The following POU2F1 variants were observed in gnomAD, a reference collection of about 807,000 sequenced individuals.
The protein encoded by POU2F1 is POU domain, class 2, transcription factor 1.
Under a neutral mutation model 84.9 loss-of-function variants are expected in POU2F1, and 16 were observed. The observed-to-expected ratio is 0.19, with a 90% CI of 0.13 to 0.29. POU2F1 has a LOEUF of 0.29. POU2F1 is among the 10% of genes least tolerant of loss of function. The probability of loss-of-function intolerance (pLI) is 1.00; values close to 1 mark genes in which losing one functional copy is unlikely to be tolerated. For synonymous variants in POU2F1, 368 were observed against 368.3 expected (o/e 1.00, Z 0.01); for missense variants, 738 against 942.6 (o/e 0.78, Z 2.84).
chr1:167,311,099 T>C (rs946546430), intron 1 of POU2F1, among the ~76,000 whole-genome samples: 3 of 152,162 alleles, frequency 2.0e-5, no homozygotes, highest in African/African-American at 7.2e-5. Flanking sequence ...CCAAATTTAG[T>C]AGAAGGCATA....
intron 2 of POU2F1, among the ~76,000 whole-genome samples, chr1:167,356,667 C>A (rs957752711): frequency 6.6e-6 from 1 of 152,048 alleles, no homozygotes; most frequent in Non-Finnish European, 1.5e-5. Context: ...CAGAAGAGAC[C>A]AAGGCAAGTT....
In POU2F1 at chr1:167,233,838, C is replaced by T. The variant is rs952424422; in HGVS notation, c.61+12880C>T. Among the ~76,000 whole-genome samples the T allele has an allele frequency of 2.3e-4, 35 of 152,118 alleles. 1 individual carries two copies. Among genetic ancestry groups the T allele is most frequent in the African/African-American group, 7.7e-4 (32 of 41,408 alleles). On this transcript the variant is annotated intron_variant, in intron 1 of 15. Transcript: ENST00000367866. ...CAAGTCCACAGTTGGAAATTGTGGA[C>T]GAGATTCCATACTTTTCAATAAATA...
chr1:167,323,099 C>G (rs1319961251), intron 1 of POU2F1, among the ~76,000 whole-genome samples: 2 of 152,206 alleles, frequency 1.3e-5, no homozygotes, highest in African/African-American at 4.8e-5. Context: ...TTCCCAATTC[C>G]TATGCCTGTG....
At chr1:167,298,330 C>T (rs968221022) in intron 1 of POU2F1, among the ~76,000 whole-genome samples, 1 of 151,936 alleles carries the variant, frequency 6.6e-6, no homozygotes, top group African/African-American at 2.4e-5. Context: ...GAAATAGAGA[C>T]TTGAATTTAT....
rs1158702467 is a variant in POU2F1, at chr1:167,416,148, CT to C, written c.*339del. Reference sequence around the variant, plus strand: ...AAACAAACAAAAATAAGTGAAAGGACTACTTATCATTTCCAGCAGTCATGAT... The same window carrying C: ...AAACAAACAAAAATAAGTGAAAGGACACTTATCATTTCCAGCAGTCATGAT... On this transcript the variant is annotated 3_prime_UTR_variant, in exon 16 of 16. Coordinates refer to ENST00000367866, the MANE Select transcript of POU2F1 (RefSeq NM_002697.4). The C allele has an allele frequency of 2.0e-5, 8 of 409,114 alleles. No individual in the cohort carries two copies. In the Admixed American group the frequency reaches 3.3e-4, roughly 17 times the overall value. The allele number at this position is 409,114 out of a possible 1,614,324, so 25.3% of individuals were successfully genotyped here.
chr1:167,294,172 CAAAAAAA>C (rs60846607), intron 1 of POU2F1, among the ~76,000 whole-genome samples: 312 of 30,950 alleles, frequency 0.01, no homozygotes, highest in Middle Eastern at 0.071. Flanking sequence ...TACTAAAATA[CAAAAAAA>C]AAAAAAAAAA....
chr1:167,339,173 GT>G (rs1657671072), intron 2 of POU2F1, among the ~76,000 whole-genome samples: 1 of 151,432 alleles, frequency 6.6e-6, no homozygotes, highest in Admixed American at 6.6e-5. Flanking sequence ...TCCCTTTCCT[GT>G]CCCCCTCCTC....
At chr1:167,340,619 A>T (rs1657785278) in intron 2 of POU2F1, among the ~76,000 whole-genome samples, 1 of 150,716 alleles carries the variant, frequency 6.6e-6, no homozygotes, top group African/African-American at 2.4e-5. Flanking sequence ...TTTAATAGAA[A>T]CTGGGTTTCA....
intron 1 of POU2F1, among the ~76,000 whole-genome samples, chr1:167,328,641 T>G (rs1381735194): frequency 6.6e-6 from 1 of 152,092 alleles, no homozygotes; most frequent in Non-Finnish European, 1.5e-5. Context: ...GTACCTCCCT[T>G]CTCCCTTGGT....
In POU2F1 at chr1:167,374,137, A is replaced by G. The variant is rs747197521; in HGVS notation, c.432A>G (p.Leu144=). The G allele has an allele frequency of 2.0e-5, 32 of 1,614,182 alleles. No individual in the cohort carries two copies. Among genetic ancestry groups the G allele is most frequent in the Non-Finnish European group, 2.6e-5 (31 of 1,180,022 alleles). Residue 144 remains leucine (L), a synonymous_variant, in exon 6 of 16, where the codon TTA becomes TTG. Coordinates refer to ENST00000367866, the MANE Select transcript of POU2F1 (RefSeq NM_002697.4). Reference sequence around the variant, plus strand: ...CTTTGACGCCTGCCCAGCAACAGTTACTACTCCAGCAGGCACAGGCACAGG... The same window carrying G: ...CTTTGACGCCTGCCCAGCAACAGTTGCTACTCCAGCAGGCACAGGCACAGG... The part of the protein sequence containing the change: ...GLTLTPAQQQ[L]LLQQAQAQAQ...
intron 2 of POU2F1, among the ~76,000 whole-genome samples, chr1:167,347,433 A>T (rs752153459): frequency 2.6e-5 from 4 of 152,236 alleles, no homozygotes; most frequent in Non-Finnish European, 2.9e-5. Context: ...GCAGCCATTT[A>T]TACAGACGAG....
At chr1:167,391,559 C>CTTTTTTTTT (rs1175783404) in intron 9 of POU2F1, among the ~76,000 whole-genome samples, 2 of 57,876 alleles carry the variant, frequency 3.5e-5, no homozygotes, top group African/African-American at 7.2e-5. Flanking sequence ...TTATATATAT[C>CTTTTTTTTT]TTTTTTTTTT....
chr1:167,336,890 G>A (rs1657496296), intron 2 of POU2F1, among the ~76,000 whole-genome samples: 1 of 152,040 alleles, frequency 6.6e-6, no homozygotes, highest in Non-Finnish European at 1.5e-5. Flanking sequence ...ACTAAGCCAG[G>A]CGCCATGGCT....
chr1:167,379,401 T>G (rs772569487), intron 7 of POU2F1: 4 of 152,202 alleles, frequency 2.6e-5, no homozygotes, highest in Non-Finnish European at 4.4e-5. Flanking sequence ...AGTAGGTAGA[T>G]GGACAGGACC....
chr1:167,305,752 A>G (rs915633468), intron 1 of POU2F1, among the ~76,000 whole-genome samples: 2 of 152,198 alleles, frequency 1.3e-5, no homozygotes, highest in Non-Finnish European at 2.9e-5. Context: ...TCTTTCACCT[A>G]AAGCTTATAA....
Position 167,389,572 on chromosome 1 carries a change from A to T in POU2F1, c.814-16A>T, listed in dbSNP as rs368158467. The T allele has an allele frequency of 5.6e-4, 898 of 1,613,614 alleles. 1 individual carries two copies. Among genetic ancestry groups the T allele is most frequent in the Admixed American group, 6.8e-4 (41 of 59,984 alleles). On this transcript the variant is annotated splice_polypyrimidine_tract_variant and intron_variant, in intron 8 of 15. Coordinates refer to ENST00000367866, the MANE Select transcript of POU2F1 (RefSeq NM_002697.4). ...TTCACGTGTTTTTCCTCATTGTTTTATTCTTTCTCCAACAGCCAGCAACCC... is the reference window on the plus strand; with the variant it reads ...TTCACGTGTTTTTCCTCATTGTTTTTTTCTTTCTCCAACAGCCAGCAACCC...
In POU2F1 at chr1:167,230,192, T is replaced by A. The variant is rs571578975; in HGVS notation, c.61+9234T>A. On this transcript the variant is annotated intron_variant, in intron 1 of 15. Transcript: ENST00000367866. ...ATGACCTGAATGTGTACCCAGTGTT[T>A]TGGTCAAGCCAGTGTGTTTGGGACG... 6.0e-4 allele frequency among the ~76,000 whole-genome samples: 92 copies of A among 152,290 alleles called. 1 individual carries two copies. In the South Asian group the frequency reaches 0.018, roughly 30 times the overall value.
chr1:167,384,483 C>T (rs1383812601), intron 8 of POU2F1, among the ~76,000 whole-genome samples: 1 of 151,980 alleles, frequency 6.6e-6, no homozygotes, highest in Non-Finnish European at 1.5e-5. Context: ...TTGCTTTGAA[C>T]ATGTCATTTT....
At chr1:167,246,986 T>C (rs935628369) in intron 1 of POU2F1, among the ~76,000 whole-genome samples, 1 of 152,082 alleles carries the variant, frequency 6.6e-6, no homozygotes, top group South Asian at 2.1e-4. Flanking sequence ...AACCACGTGC[T>C]ATAGAGTTTA....
Sources: allele counts gnomAD v4.1 joint callset (sites outside exome capture counted in the v4.1 genomes callset), GRCh38; gene constraint gnomAD v4.1.1; transcripts MANE v1.5; gene names NCBI Gene and HGNC (gene_info 2026-07-23, HGNC 2026-07-21).